The following GOLGA8Q variants were observed in gnomAD, a reference collection of about 807,000 sequenced individuals.
GOLGA8Q encodes the protein golgin subfamily A member 8Q.
Under a neutral mutation model 48.7 loss-of-function variants are expected in GOLGA8Q, and 3 were observed. That is an observed-to-expected ratio of 0.06 (90% CI 0.03 to 0.16). The LOEUF (loss-of-function observed/expected upper bound fraction) is 0.16. Ranked by LOEUF, GOLGA8Q falls within the 10% of genes least tolerant of loss-of-function variation. GOLGA8Q has a pLI of 1.00. For synonymous variants in GOLGA8Q, 22 were observed against 138.2 expected, an observed-to-expected ratio of 0.16 and a Z score of 5.90; for missense variants, 49 against 364.3, an observed-to-expected ratio of 0.13 and a Z score of 7.05.
rs2059699731 is a variant in GOLGA8Q at position 30,565,324 on chromosome 15, AT to A, written c.*2824del. The stretch of plus-strand genomic sequence containing the variant: ...AAAGCTGATTTTAGAAAATTTGAAA[AT>A]GTAAATCAGCCCTATCCATAATATA... On this transcript the variant is annotated 3_prime_UTR_variant, in exon 19 of 19. Transcript: ENST00000562783. 9.6e-6 allele frequency among the ~76,000 whole-genome samples: 1 copy of A among 104,178 alleles called. No homozygotes were observed. The highest frequency in any genetic ancestry group is 2.0e-5 in the Non-Finnish European group (1 of 50,258). 68.3% of individuals were successfully genotyped at this position (104,178 alleles called of 152,430 possible).
At chr15:30,554,373 G>T (rs1167710737) in intron 2 of GOLGA8Q, among the ~76,000 whole-genome samples, 1 of 102,138 alleles carries the variant, frequency 9.8e-6, no homozygotes, top group Non-Finnish European at 1.9e-5. Context: ...ATGATTTAGG[G>T]CAAGTTGCTA....
In GOLGA8Q at chr15:30,553,943, AG is replaced by A. The variant is rs984581392; in HGVS notation, c.168+37del. 1.3e-5 allele frequency: 11 copies of A among 815,574 alleles called. 1 individual carries two copies. Among genetic ancestry groups the A allele is most frequent in the Non-Finnish European group, 1.2e-5 (7 of 581,704 alleles). The allele number at this position is 815,574 out of a possible 1,614,324, so 50.5% of individuals were successfully genotyped here. On this transcript the variant is annotated intron_variant, in intron 2 of 18. Coordinates refer to ENST00000562783, the MANE Select transcript of GOLGA8Q (RefSeq NM_001355476.2). ...CTTGGCTGACCAGGCTTCTGGGGAC[AG>A]GGGGCCCAAGGGGCAATAGAGGGTA...
intron 2 of GOLGA8Q, among the ~76,000 whole-genome samples, chr15:30,554,312 A>T (rs1196758537): frequency 2.4e-5 from 3 of 124,084 alleles, no homozygotes; most frequent in Non-Finnish European, 5.0e-5. Flanking sequence ...AAAAAAAAAA[A>T]AAAGGAATTC....
intron 13 of GOLGA8Q, among the ~76,000 whole-genome samples, chr15:30,559,748 C>T (rs1388177290): frequency 3.5e-4 from 52 of 150,076 alleles, no homozygotes; most frequent in Admixed American, 2.4e-3. Flanking sequence ...ATTCCACCTA[C>T]TCGGGAGGCT....
At position 30,558,043 on chromosome 15, in the gene GOLGA8Q, T is replaced by A; in HGVS notation, c.778T>A (p.Leu260Met). The A allele has an allele frequency of 6.4e-6, 7 of 1,090,282 alleles. 1 individual carries two copies. In the South Asian group the frequency reaches 7.0e-5, roughly 11 times the overall value. 67.5% of individuals were successfully genotyped at this position (1,090,282 alleles called of 1,614,324 possible). ...ARWHQRMSKMLQEICTLKKEK... is the reference protein window; with the variant it reads ...ARWHQRMSKMMQEICTLKKEK... ...GTGGCATCAGAGGATGAGTAAAATGTTGCAGGAGGTGAGATCTGACCCTTC... is the reference window on the plus strand; with the variant it reads ...GTGGCATCAGAGGATGAGTAAAATGATGCAGGAGGTGAGATCTGACCCTTC... The change falls in exon 10 of 19, where the codon TTG becomes ATG. Residue 260 changes from leucine to methionine, a missense_variant. By Grantham distance (15) the Leu-to-Met change is conservative. Coordinates refer to ENST00000562783, the MANE Select transcript of GOLGA8Q (RefSeq NM_001355476.2).
At chr15:30,559,744 C>T (rs2059667801) in intron 13 of GOLGA8Q, among the ~76,000 whole-genome samples, 1 of 150,292 alleles carries the variant, frequency 6.7e-6, no homozygotes, top group Admixed American at 6.6e-5. Flanking sequence ...TGTAATTCCA[C>T]CTACTCGGGA....
chr15:30,556,562 TG>T (rs1468543733), intron 7 of GOLGA8Q, 28 bp from the exon 8 acceptor site: 1 of 617,432 alleles, frequency 1.6e-6, no homozygotes, highest in African/African-American at 1.9e-5. Context: ...GGGAGTCCTT[TG>T]GGCCCCATCT....
chr15:30,554,373 G>A (rs1167710737), intron 2 of GOLGA8Q, among the ~76,000 whole-genome samples: 3 of 102,136 alleles, frequency 2.9e-5, no homozygotes, highest in Admixed American at 1.9e-4. Flanking sequence ...ATGATTTAGG[G>A]CAAGTTGCTA....
chr15:30,554,390 A>T (rs1347314650), intron 2 of GOLGA8Q, among the ~76,000 whole-genome samples: 1 of 89,896 alleles, frequency 1.1e-5, no homozygotes, highest in Admixed American at 1.1e-4. Context: ...GCTAGACCTC[A>T]TTGGGCCTCT....
rs1418917257 is a variant in GOLGA8Q at position 30,554,240 on chromosome 15, C to T, written c.168+329C>T. ...AATGGTGTGAACCTGGGAGGTGGAG[C>T]TTGCAGTGGCCAAGATTATGCCACC... is the stretch of plus-strand genomic sequence containing the variant. On this transcript the variant is annotated intron_variant, in intron 2 of 18. Coordinates refer to ENST00000562783, the MANE Select transcript of GOLGA8Q (RefSeq NM_001355476.2). Among the ~76,000 whole-genome samples, 23 of 117,138 alleles carry T rather than the reference C, an allele frequency of 2.0e-4. 1 individual carries two copies. Among genetic ancestry groups the T allele is most frequent in the Admixed American group, 1.8e-3 (22 of 12,040 alleles). The allele number at this position is 117,138 out of a possible 152,430, so 76.8% of individuals were successfully genotyped here.
chr15:30,557,063 G>A (rs2059647488), intron 8 of GOLGA8Q, among the ~76,000 whole-genome samples: 2 of 75,750 alleles, frequency 2.6e-5, no homozygotes, highest in African/African-American at 1.3e-4. Flanking sequence ...ACGCGTGCAT[G>A]TGTGTGTGTG....
At chr15:30,559,719 A>C (rs1252991476) in intron 13 of GOLGA8Q, among the ~76,000 whole-genome samples, 1 of 151,214 alleles carries the variant, frequency 6.6e-6, no homozygotes, top group African/African-American at 2.4e-5. Context: ...TTAGCAGGGC[A>C]TTGTGGCGCA....
chr15:30,554,560 T>G, intron 2 of GOLGA8Q, among the ~76,000 whole-genome samples: 1 of 21,812 alleles, frequency 4.6e-5, no homozygotes, highest in East Asian at 6.6e-4. Context: ...ATCCCCAGTC[T>G]CAAGGGGAAA....
intron 13 of GOLGA8Q, among the ~76,000 whole-genome samples, chr15:30,559,997 C>T: frequency 8.5e-6 from 1 of 117,076 alleles, no homozygotes. Context: ...TACAGAGGTG[C>T]TGAGGATTAA....
At chr15:30,559,702 A>C (rs1273029664) in intron 13 of GOLGA8Q, among the ~76,000 whole-genome samples, 81 of 151,368 alleles carry the variant, frequency 5.4e-4, no homozygotes, top group South Asian at 1.7e-3. Context: ...AATTAAAAAA[A>C]AAAAAATTAG....
At chr15:30,554,306 A>G (rs199569680) in intron 2 of GOLGA8Q, among the ~76,000 whole-genome samples, 54,631 of 115,336 alleles carry the variant, frequency 0.47, 9,413 homozygotes, top group African/African-American at 0.55. Context: ...TGTCTCAAAA[A>G]AAAAAAAAAG....
chr15:30,563,889 CA>C lies in GOLGA8Q; in HGVS notation c.*1390del, dbSNP rs1195479257. Among the ~76,000 whole-genome samples the C allele has an allele frequency of 4.2e-5, 3 of 71,480 alleles. No homozygotes were observed. Among genetic ancestry groups the C allele is most frequent in the Non-Finnish European group, 8.0e-5 (3 of 37,714 alleles). The allele number at this position is 71,480 out of a possible 152,430, so 46.9% of individuals were successfully genotyped here. Reference sequence around the variant, plus strand: ...CTTAAAATGTGTACAAACTGCAGTGCAATCTACTGTTGTTCGTGAATGTCAA... The same window carrying C: ...CTTAAAATGTGTACAAACTGCAGTGCATCTACTGTTGTTCGTGAATGTCAA... On this transcript the variant is annotated 3_prime_UTR_variant, in exon 19 of 19. Coordinates refer to ENST00000562783, the MANE Select transcript of GOLGA8Q (RefSeq NM_001355476.2).
At chr15:30,559,823 A>G (rs1247397122) in intron 13 of GOLGA8Q, among the ~76,000 whole-genome samples, 4 of 133,312 alleles carry the variant, frequency 3.0e-5, no homozygotes, top group Non-Finnish European at 6.4e-5. Context: ...GCACCACTGC[A>G]CTCCAGCCTG....
chr15:30,556,807 AT>A (rs2059645653), intron 8 of GOLGA8Q, 107 bp downstream of exon 8: 1 of 658,548 alleles, frequency 1.5e-6, no homozygotes, highest in Admixed American at 2.3e-5. Flanking sequence ...AGAAGGCAGC[AT>A]GGCCATTTCT....
Sources: allele counts gnomAD v4.1 joint callset (sites outside exome capture counted in the v4.1 genomes callset), GRCh38; gene constraint gnomAD v4.1.1; transcripts MANE v1.5; gene names NCBI Gene and HGNC (gene_info 2026-07-23, HGNC 2026-07-21).